The following GNG4 variants were observed in gnomAD, a reference collection of about 807,000 sequenced individuals.
The protein encoded by GNG4 is G protein subunit gamma 4, also known as guanine nucleotide-binding protein G(I)/G(S)/G(O) subunit gamma-4.
Under a neutral mutation model 5.8 loss-of-function variants are expected in GNG4, and 4 were observed. The observed-to-expected ratio is 0.69, with a 90% CI of 0.34 to 1.57. The LOEUF is 1.57. Among genes scored for constraint, GNG4 ranks in the 40% most tolerant of loss-of-function variants. The probability of loss-of-function intolerance (pLI) is 0.06; values close to 1 mark genes in which losing one functional copy is unlikely to be tolerated. For synonymous variants in GNG4, 29 were observed against 32.9 expected, an observed-to-expected ratio of 0.88 and a Z score of 0.41; for missense variants, 96 against 95.1, an observed-to-expected ratio of 1.01 and a Z score of -0.04.
At chr1:235,582,543 C>T (rs928445047) in intron 3 of GNG4, among the ~76,000 whole-genome samples, 2 of 152,230 alleles carry the variant, frequency 1.3e-5, no homozygotes, top group African/African-American at 4.8e-5. Flanking sequence ...CTGCAGTCCT[C>T]ATCCTTTTTC....
intron 3 of GNG4, chr1:235,566,243 C>T (rs1687192156): frequency 6.5e-6 from 1 of 153,006 alleles, no homozygotes; most frequent in Non-Finnish European, 1.5e-5. Context: ...GGACCAGTAC[C>T]AGTCCATGGC....
At chr1:235,588,596 A>ACC (rs113259379) in intron 2 of GNG4, among the ~76,000 whole-genome samples, 2 of 146,642 alleles carry the variant, frequency 1.4e-5, no homozygotes, top group East Asian at 2.0e-4. Context: ...TGCTGGAGAG[A>ACC]CCCCCCCCAC....
intron 1 of GNG4, among the ~76,000 whole-genome samples, chr1:235,606,285 G>A (rs1558494590): frequency 6.6e-6 from 1 of 152,126 alleles, no homozygotes; most frequent in East Asian, 1.9e-4. Flanking sequence ...GGGAGGCTGA[G>A]GAAGGAGAAT....
chr1:235,609,967 AC>A (rs1376119153), intron 1 of GNG4, among the ~76,000 whole-genome samples: 2 of 152,218 alleles, frequency 1.3e-5, no homozygotes, highest in Non-Finnish European at 2.9e-5. Flanking sequence ...CTTATTTCCT[AC>A]ACAGAAAGAC....
At chr1:235,620,069 A>C (rs1266287706) in intron 1 of GNG4, among the ~76,000 whole-genome samples, 1 of 152,224 alleles carries the variant, frequency 6.6e-6, no homozygotes, top group African/African-American at 2.4e-5. Context: ...ATCCTTTTAA[A>C]ACTTTCGTTG....
chr1:235,583,199 C>A (rs1687681927), intron 3 of GNG4, among the ~76,000 whole-genome samples: 2 of 152,210 alleles, frequency 1.3e-5, no homozygotes, highest in African/African-American at 4.8e-5. Context: ...TGAGTGGCAT[C>A]TGGAGAAGAG....
At chr1:235,596,260 G>A (rs534064813) in intron 1 of GNG4, among the ~76,000 whole-genome samples, 35 of 140,740 alleles carry the variant, frequency 2.5e-4, no homozygotes, top group African/African-American at 8.7e-4. Context: ...ACACCTGGCC[G>A]GGCGCAGGGG....
intron 3 of GNG4, among the ~76,000 whole-genome samples, chr1:235,577,731 G>T (rs983423856): frequency 6.6e-6 from 1 of 152,108 alleles, no homozygotes; most frequent in Admixed American, 6.6e-5. Context: ...GAGCCACTGC[G>T]CCCGGCCCAT....
chr1:235,612,556 AC>A (rs1311060630), intron 1 of GNG4, among the ~76,000 whole-genome samples: 9 of 152,190 alleles, frequency 5.9e-5, no homozygotes, highest in Admixed American at 5.2e-4. Flanking sequence ...ACGGGGTCTC[AC>A]TGTCACCCAG....
At chr1:235,570,923 TACACACACAC>T (rs1553365414) in intron 3 of GNG4, among the ~76,000 whole-genome samples, 1 of 97,330 alleles carries the variant, frequency 1.0e-5, no homozygotes, top group Non-Finnish European at 2.1e-5. Flanking sequence ...CATATATATA[TACACACACAC>T]ACACACACAC....
chr1:235,552,600 G>A (rs1686784523), intron 3 of GNG4, among the ~76,000 whole-genome samples: 2 of 152,156 alleles, frequency 1.3e-5, no homozygotes, highest in African/African-American at 2.4e-5. Flanking sequence ...AAAGCAGAAG[G>A]CAGCCCCTGG....
chr1:235,599,410 G>A (rs1387018239), intron 1 of GNG4, among the ~76,000 whole-genome samples: 5 of 151,066 alleles, frequency 3.3e-5, no homozygotes, highest in Admixed American at 6.6e-5. Context: ...GCCGCCTCCC[G>A]GGTTCAAGCG....
At chr1:235,556,316 T>C (rs1045122100) in intron 3 of GNG4, among the ~76,000 whole-genome samples, 3 of 151,280 alleles carry the variant, frequency 2.0e-5, no homozygotes, top group Admixed American at 1.3e-4. Context: ...TCCCAGCACT[T>C]TGGGGGGCCG....
At chr1:235,645,797 C>CAAA (rs6143682) in intron 1 of GNG4, among the ~76,000 whole-genome samples, 29 of 90,328 alleles carry the variant, frequency 3.2e-4, no homozygotes, top group East Asian at 5.9e-4. Flanking sequence ...AACTCAGTCT[C>CAAA]AAAAAAAAAA....
At chr1:235,622,984 G>A (rs1272731599) in intron 1 of GNG4, among the ~76,000 whole-genome samples, 2 of 151,816 alleles carry the variant, frequency 1.3e-5, no homozygotes, top group African/African-American at 2.4e-5. Context: ...AGGTTGCAGT[G>A]AGCTGAGATC....
chr1:235,627,833 T>C (rs1245949694), intron 1 of GNG4, among the ~76,000 whole-genome samples: 2 of 152,162 alleles, frequency 1.3e-5, no homozygotes, highest in African/African-American at 2.4e-5. Context: ...TAGTATTTTG[T>C]GATATCAACC....
At chr1:235,595,018 C>T (rs1467586249) in intron 2 of GNG4, among the ~76,000 whole-genome samples, 2 of 152,196 alleles carry the variant, frequency 1.3e-5, no homozygotes, top group Admixed American at 6.5e-5. Context: ...GGTGGACCTC[C>T]TTTCATCCTT....
At chr1:235,607,475 G>A (rs950832579) in intron 1 of GNG4, among the ~76,000 whole-genome samples, 2 of 152,214 alleles carry the variant, frequency 1.3e-5, no homozygotes, top group African/African-American at 4.8e-5. Context: ...TGGGTGCACC[G>A]TGGGGCCTAC....
intron 3 of GNG4, among the ~76,000 whole-genome samples, chr1:235,569,355 G>A (rs1687278239): frequency 6.6e-6 from 1 of 151,914 alleles, no homozygotes. Context: ...CTATTTGGGA[G>A]GCTGAAGTGG....
Sources: gnomAD v4.1 joint callset for allele counts (sites outside exome capture counted in the v4.1 genomes callset) on GRCh38, gnomAD v4.1.1 for gene constraint, MANE v1.5 for transcripts, NCBI Gene and HGNC (gene_info 2026-07-23, HGNC 2026-07-21) for gene names.